The following AGBL4 variants were observed in gnomAD, a reference collection of about 807,000 sequenced individuals.
AGBL4 encodes AGBL carboxypeptidase 4.
Under a neutral mutation model 66.4 loss-of-function variants are expected in AGBL4, and 58 were observed. The ratio of observed to expected loss-of-function variants is 0.87; its 90% confidence interval spans 0.71 to 1.09. The LOEUF is 1.09. Among genes scored for constraint, AGBL4 ranks in the 50% least tolerant of loss-of-function variants. AGBL4 has a pLI of 0.00. For synonymous variants in AGBL4, 234 were observed against 222.9 expected (o/e 1.05, Z -0.44); for missense variants, 579 against 631.0 (o/e 0.92, Z 0.88).
At chr1:49,426,955 A>G (rs951079417) in intron 3 of AGBL4, among the ~76,000 whole-genome samples, 2 of 152,186 alleles carry the variant, frequency 1.3e-5, no homozygotes, top group African/African-American at 2.4e-5. Context: ...TAGACATTAC[A>G]TGTCCTCCTT....
chr1:49,816,825 T>A (rs1173031376), intron 2 of AGBL4, among the ~76,000 whole-genome samples: 1 of 152,158 alleles, frequency 6.6e-6, no homozygotes, highest in African/African-American at 2.4e-5. Flanking sequence ...AAGAAATGGC[T>A]CAGAGATGAG....
intron 3 of AGBL4, among the ~76,000 whole-genome samples, chr1:49,566,894 G>A (rs1036745421): frequency 6.6e-6 from 1 of 152,214 alleles, no homozygotes; most frequent in Non-Finnish European, 1.5e-5. Flanking sequence ...TGCCCCCAGA[G>A]GTGGAGCCTA....
intron 6 of AGBL4, among the ~76,000 whole-genome samples, chr1:48,861,918 C>G (rs1647506634): frequency 6.6e-6 from 1 of 152,194 alleles, no homozygotes; most frequent in Non-Finnish European, 1.5e-5. Context: ...TTTTCTCTCT[C>G]TGTCTCTTCT....
intron 3 of AGBL4, among the ~76,000 whole-genome samples, chr1:49,464,158 A>G (rs1277939243): frequency 6.6e-6 from 1 of 151,786 alleles, no homozygotes; most frequent in Non-Finnish European, 1.5e-5. Context: ...TGAGAAGGCA[A>G]CTAAGATAGC....
chr1:48,974,963 T>A (rs1318000283), intron 5 of AGBL4, among the ~76,000 whole-genome samples: 3 of 152,146 alleles, frequency 2.0e-5, no homozygotes, highest in Admixed American at 2.0e-4. Flanking sequence ...GCTGAGCTCT[T>A]GATTATCTTG....
chr1:49,082,888 G>A (rs753069807), intron 4 of AGBL4, among the ~76,000 whole-genome samples: 4 of 152,166 alleles, frequency 2.6e-5, no homozygotes, highest in African/African-American at 4.8e-5. Flanking sequence ...GGAGGTACAG[G>A]CATTGGGTAA....
At chr1:48,660,294 A>C (rs1236024371) in intron 7 of AGBL4, among the ~76,000 whole-genome samples, 3 of 152,350 alleles carry the variant, frequency 2.0e-5, no homozygotes, top group African/African-American at 7.2e-5. Flanking sequence ...CAGGTGCATC[A>C]GCAGCTCGGC....
At chr1:49,130,820 C>T (rs1425487401) in intron 4 of AGBL4, among the ~76,000 whole-genome samples, 1 of 151,910 alleles carries the variant, frequency 6.6e-6, no homozygotes, top group East Asian at 1.9e-4. Context: ...TCCATATGAA[C>T]TTTAAAGTAG....
chr1:48,939,209 T>C (rs1655735539), intron 5 of AGBL4, among the ~76,000 whole-genome samples: 1 of 152,224 alleles, frequency 6.6e-6, no homozygotes, highest in African/African-American at 2.4e-5. Context: ...CACAGAACAA[T>C]TCCTGGCACA....
At chr1:49,176,583 C>A (rs1488908510) in intron 4 of AGBL4, among the ~76,000 whole-genome samples, 2 of 152,146 alleles carry the variant, frequency 1.3e-5, no homozygotes, top group Non-Finnish European at 2.9e-5. Flanking sequence ...AATGATTTGA[C>A]TTCCCATGTT....
chr1:49,660,973 GAGCATT>G (rs971271501), intron 3 of AGBL4, among the ~76,000 whole-genome samples: 33 of 152,064 alleles, frequency 2.2e-4, no homozygotes, highest in African/African-American at 7.2e-4. Context: ...GGGGGAGGGA[GAGCATT>G]AGGAAAAATA....
At chr1:49,370,543 C>T (rs1334218426) in intron 3 of AGBL4, among the ~76,000 whole-genome samples, 2 of 152,096 alleles carry the variant, frequency 1.3e-5, no homozygotes, top group African/African-American at 2.4e-5. Context: ...TGTTAAATCC[C>T]AATCACATCT....
chr1:49,256,112 G>A lies in AGBL4; in HGVS notation c.283-10248C>T, dbSNP rs138620905. On this transcript the variant is annotated intron_variant, in intron 3 of 13. Transcript: ENST00000371839. ...TGTGCAGCAAACCCTCATGACACAG[G>A]TTTACTTATGTAACAAACTTGCACA... Among the ~76,000 whole-genome samples the A allele has an allele frequency of 2.3e-3, 350 of 152,038 alleles. 1 individual carries two copies. Among genetic ancestry groups the A allele is most frequent in the Non-Finnish European group, 3.4e-3 (233 of 67,952 alleles).
chr1:49,459,883 A>T (rs1646473550), intron 3 of AGBL4, among the ~76,000 whole-genome samples: 1 of 151,604 alleles, frequency 6.6e-6, no homozygotes. Context: ...AATTCAAATA[A>T]TTTTTTAAAT....
At chr1:49,350,472 G>A (rs1645731167) in intron 3 of AGBL4, among the ~76,000 whole-genome samples, 1 of 152,058 alleles carries the variant, frequency 6.6e-6, no homozygotes, top group Non-Finnish European at 1.5e-5. Context: ...CAAAGTGCTG[G>A]GATTACAGGC....
intron 9 of AGBL4, among the ~76,000 whole-genome samples, chr1:48,591,333 A>G (rs2148348798): frequency 6.6e-6 from 1 of 152,286 alleles, no homozygotes; most frequent in East Asian, 1.9e-4. Flanking sequence ...CAGCTAACAC[A>G]TTCATGACTA....
At chr1:49,590,783 A>G (rs1391883254) in intron 3 of AGBL4, among the ~76,000 whole-genome samples, 1 of 152,092 alleles carries the variant, frequency 6.6e-6, no homozygotes, top group African/African-American at 2.4e-5. Context: ...TTAAATAATT[A>G]GTGAAATTTA....
At chr1:48,896,417 CA>C (rs958988020) in intron 5 of AGBL4, among the ~76,000 whole-genome samples, 16 of 152,228 alleles carry the variant, frequency 1.1e-4, no homozygotes, top group African/African-American at 3.9e-4. Context: ...TTAGAATTCA[CA>C]TCTACAAAGT....
At chr1:48,896,520 G>C (rs1318262919) in intron 5 of AGBL4, among the ~76,000 whole-genome samples, 1 of 152,224 alleles carries the variant, frequency 6.6e-6, no homozygotes, top group East Asian at 1.9e-4. Context: ...GATGGCTACA[G>C]AAGAAGCAAC....
Sources: gnomAD v4.1 joint callset for allele counts (sites outside exome capture counted in the v4.1 genomes callset) on GRCh38, gnomAD v4.1.1 for gene constraint, MANE v1.5 for transcripts, NCBI Gene and HGNC (gene_info 2026-07-23, HGNC 2026-07-21) for gene names.